The following FMN1 variants were observed in gnomAD, a reference collection of about 807,000 sequenced individuals.
FMN1 encodes formin 1, also known as formin-1.
In FMN1, 110 loss-of-function variants were observed where a neutral mutation model predicts 132.4. The observed-to-expected ratio is 0.83, with a 90% confidence interval of 0.71 to 0.97. The LOEUF (loss-of-function observed/expected upper bound fraction) is 0.97. Among genes scored for constraint, FMN1 ranks in the 50% least tolerant of loss-of-function variants. The probability of loss-of-function intolerance (pLI) is 0.00; values close to 1 mark genes in which losing one functional copy is unlikely to be tolerated. For synonymous variants in FMN1, 722 were observed against 651.7 expected (o/e 1.11, Z -1.64); for missense variants, 1,792 against 1,705.3 (o/e 1.05, Z -0.90).
At position 32,884,099 on chromosome 15, in the gene FMN1, A is replaced by G. The variant is rs537064784; in HGVS notation, c.3835+4073T>C. Reference sequence around the variant, plus strand: ...GGTATTAACTGGTGCAATCAGAAAGAAGAGTCCACTCCTTGGTGTATTAGT... The same window carrying G: ...GGTATTAACTGGTGCAATCAGAAAGGAGAGTCCACTCCTTGGTGTATTAGT... On this transcript the variant is annotated intron_variant, in intron 16 of 20. Coordinates refer to ENST00000616417, the MANE Select transcript of FMN1 (RefSeq NM_001277313.2). Among the ~76,000 whole-genome samples, 23 of 150,912 alleles carry G rather than the reference A, an allele frequency of 1.5e-4. 1 individual carries two copies. The highest frequency in any genetic ancestry group is 5.6e-4 in the African/African-American group (23 of 41,238).
At chr15:33,179,397 T>A (rs886951399) in intron 3 of FMN1, among the ~76,000 whole-genome samples, 1 of 152,012 alleles carries the variant, frequency 6.6e-6, no homozygotes, top group Non-Finnish European at 1.5e-5. Flanking sequence ...CTGAAAAAAA[T>A]ATATTTTTGC....
intron 4 of FMN1, chr15:33,151,230 G>C: frequency 6.5e-7 from 1 of 1,535,432 alleles, no homozygotes; most frequent in South Asian, 1.2e-5. Context: ...CTCCACAGTA[G>C]AGAAGTTACC....
At chr15:32,810,739 T>A (rs1206668185) in intron 17 of FMN1, among the ~76,000 whole-genome samples, 1 of 152,142 alleles carries the variant, frequency 6.6e-6, no homozygotes, top group Non-Finnish European at 1.5e-5. Context: ...TAAGTCCTAT[T>A]TATGGATGCC....
intron 19 of FMN1, among the ~76,000 whole-genome samples, chr15:32,794,814 T>C (rs1018512431): frequency 1.3e-5 from 2 of 152,292 alleles, no homozygotes; most frequent in African/African-American, 4.8e-5. Flanking sequence ...CCTTGGATTA[T>C]GATACATCGT....
chr15:33,002,365 T>C lies in FMN1; in HGVS notation c.2223+5649A>G, dbSNP rs182979297. ...ATTTTTCCCACTCACTATCTTCCAC[T>C]AGGTCTGTGACAAAAGATGAGTCCA... is the stretch of plus-strand genomic sequence containing the variant. On this transcript the variant is annotated intron_variant, in intron 7 of 20. Transcript: ENST00000616417. Among the ~76,000 whole-genome samples the C allele has an allele frequency of 3.3e-5, 5 of 152,326 alleles. No individual in the cohort carries two copies. In the East Asian group the frequency reaches 9.6e-4, roughly 29 times the overall value.
intron 9 of FMN1, among the ~76,000 whole-genome samples, chr15:32,946,746 T>G (rs1169433237): frequency 6.6e-6 from 1 of 152,032 alleles, no homozygotes; most frequent in South Asian, 2.1e-4. Flanking sequence ...CTGTGGGAGG[T>G]AGAATGCCAG....
At chr15:32,810,930 G>A (rs754441623) in intron 17 of FMN1, 1 of 455,566 alleles carries the variant, frequency 2.2e-6, no homozygotes, top group Non-Finnish European at 4.4e-6. Flanking sequence ...CTACAAATAT[G>A]GGAGCCGGGT....
chr15:32,978,867 G>T (rs1228491323), intron 7 of FMN1, among the ~76,000 whole-genome samples: 1 of 152,214 alleles, frequency 6.6e-6, no homozygotes, highest in East Asian at 1.9e-4. Context: ...CCAACATTTA[G>T]TACATGTCTT....
chr15:32,839,388 C>T (rs543918921), intron 17 of FMN1, among the ~76,000 whole-genome samples: 1 of 152,256 alleles, frequency 6.6e-6, no homozygotes, highest in Admixed American at 6.5e-5. Flanking sequence ...TCAGACTTCA[C>T]TGGATGCTTG....
At chr15:33,023,514 T>C (rs1039096493) in intron 6 of FMN1, among the ~76,000 whole-genome samples, 2 of 151,998 alleles carry the variant, frequency 1.3e-5, no homozygotes, top group Non-Finnish European at 2.9e-5. Flanking sequence ...GAAACAATAG[T>C]AGGTGATTGT....
chr15:32,902,044 T>TA lies in FMN1; in HGVS notation c.3378-5dup. On this transcript the variant is annotated splice_region_variant and splice_polypyrimidine_tract_variant and intron_variant, in intron 12 of 20. Transcript: ENST00000616417. Reference sequence around the variant, plus strand: ...CTGGGCTAACTCATGTAAAAATCTGTAAAAAAGAAAATGTGTCATCTACCT... The same window carrying TA: ...CTGGGCTAACTCATGTAAAAATCTGTAAAAAAAGAAAATGTGTCATCTACCT... 2 of 1,602,478 alleles carry TA rather than the reference T, an allele frequency of 1.2e-6. No homozygotes were observed. Among genetic ancestry groups the TA allele is most frequent in the Non-Finnish European group, 1.7e-6 (2 of 1,176,360 alleles).
At chr15:33,110,518 T>C (rs2039660596) in intron 4 of FMN1, among the ~76,000 whole-genome samples, 1 of 152,024 alleles carries the variant, frequency 6.6e-6, no homozygotes, top group Admixed American at 6.6e-5. Flanking sequence ...TATAATAGTT[T>C]TGTAACAAAA....
intron 16 of FMN1, among the ~76,000 whole-genome samples, chr15:32,876,524 G>A (rs1449204203): frequency 6.6e-6 from 1 of 152,222 alleles, no homozygotes; most frequent in African/African-American, 2.4e-5. Context: ...TCACAGCAGT[G>A]TGAGATGCCA....
chr15:32,775,338 G>A (rs2056382148), intron 20 of FMN1, among the ~76,000 whole-genome samples: 1 of 150,938 alleles, frequency 6.6e-6, no homozygotes, highest in Non-Finnish European at 1.5e-5. Flanking sequence ...AATAAAATAA[G>A]CAGCCCCAAC....
intron 7 of FMN1, among the ~76,000 whole-genome samples, chr15:33,000,564 C>T (rs1014952786): frequency 2.0e-5 from 3 of 151,790 alleles, no homozygotes; most frequent in African/African-American, 2.4e-5. Context: ...GCAGATGGCT[C>T]GTGCCCAAGA....
At chr15:33,152,271 T>G (rs1224355338) in intron 4 of FMN1, among the ~76,000 whole-genome samples, 1 of 152,206 alleles carries the variant, frequency 6.6e-6, no homozygotes, top group Non-Finnish European at 1.5e-5. Context: ...AAAATTATTT[T>G]CATGTAACAT....
At chr15:32,796,440 T>C (rs1595933429) in intron 19 of FMN1, among the ~76,000 whole-genome samples, 1 of 152,238 alleles carries the variant, frequency 6.6e-6, no homozygotes, top group Non-Finnish European at 1.5e-5. Context: ...ATCAGGTTTT[T>C]ATTTTGGTTA....
chr15:33,065,998 T>G (rs1223623555), intron 5 of FMN1, among the ~76,000 whole-genome samples: 1 of 152,190 alleles, frequency 6.6e-6, no homozygotes, highest in African/African-American at 2.4e-5. Flanking sequence ...AATGGCAGAA[T>G]TAGAATAAAA....
intron 4 of FMN1, among the ~76,000 whole-genome samples, chr15:33,125,003 T>C: frequency 6.6e-6 from 1 of 152,176 alleles, no homozygotes; most frequent in Non-Finnish European, 1.5e-5. Context: ...CTGGAATGTA[T>C]AAAATCCCTT....
Sources: gnomAD v4.1 joint callset for allele counts (sites outside exome capture counted in the v4.1 genomes callset) on GRCh38, gnomAD v4.1.1 for gene constraint, MANE v1.5 for transcripts, NCBI Gene and HGNC (gene_info 2026-07-23, HGNC 2026-07-21) for gene names.